LHFPL6: variants seen among roughly 807,000 people sequenced by gnomAD.
LHFPL6 encodes LHFPL tetraspan subfamily member 6, also known as LHFPL tetraspan subfamily member 6 protein.
In LHFPL6, 9 loss-of-function variants were observed where a neutral mutation model predicts 20.6. The observed-to-expected ratio is 0.44, with a 90% confidence interval of 0.26 to 0.76. The LOEUF (loss-of-function observed/expected upper bound fraction) is 0.76. Among genes scored for constraint, LHFPL6 ranks in the 30% least tolerant of loss-of-function variants. The pLI is 0.20. For synonymous variants in LHFPL6, 105 were observed against 98.7 expected, an observed-to-expected ratio of 1.06 and a Z score of -0.38; for missense variants, 218 against 253.5, an observed-to-expected ratio of 0.86 and a Z score of 0.95.
At chr13:39,569,834 G>A (rs1322879574) in intron 2 of LHFPL6, among the ~76,000 whole-genome samples, 2 of 152,168 alleles carry the variant, frequency 1.3e-5, no homozygotes, top group Non-Finnish European at 2.9e-5. Context: ...TGAGCAGGAG[G>A]CACAAGCTCA....
In LHFPL6 at chr13:39,600,917, C is replaced by T. The variant is rs761670411; in HGVS notation, c.300G>A (p.Ala100=). ...CACAGCAACCCATGAGGGCAGTGAG[C>T]GCCACCAGGAGGAGGAGGCCACAAC... is the stretch of plus-strand genomic sequence containing the variant. The part of the protein sequence containing the change: ...GLGCGLLLLV[A]LTALMGCCVS... The change falls in exon 2 of 4, where the codon GCG becomes GCA. Residue 100 remains alanine, a synonymous_variant. Coordinates refer to ENST00000379589, the MANE Select transcript of LHFPL6 (RefSeq NM_005780.3). 7 of 1,590,340 alleles carry T rather than the reference C, an allele frequency of 4.4e-6. No individual in the cohort carries two copies. Among genetic ancestry groups the T allele is most frequent in the South Asian group, 2.3e-5 (2 of 87,152 alleles).
chr13:39,365,889 TAGTG>T (rs1246169557), intron 3 of LHFPL6, among the ~76,000 whole-genome samples: 13 of 152,180 alleles, frequency 8.5e-5, no homozygotes, highest in Admixed American at 8.5e-4. Flanking sequence ...TTCCTAAGAA[TAGTG>T]AGGGCACAGA....
chr13:39,470,995 TACA>T (rs1872929527), intron 2 of LHFPL6, among the ~76,000 whole-genome samples: 3 of 152,186 alleles, frequency 2.0e-5, no homozygotes, highest in African/African-American at 7.2e-5. Flanking sequence ...CACCATGAAC[TACA>T]TAGTTGAGGA....
At chr13:39,390,770 G>A (rs758176741) in intron 2 of LHFPL6, among the ~76,000 whole-genome samples, 15 of 152,254 alleles carry the variant, frequency 9.9e-5, no homozygotes, top group African/African-American at 3.4e-4. Context: ...CGAGACGGGC[G>A]GATTGCTTGA....
intron 2 of LHFPL6, among the ~76,000 whole-genome samples, chr13:39,450,651 G>GT (rs1872417076): frequency 6.6e-6 from 1 of 152,116 alleles, no homozygotes. Context: ...GGTGTACTAA[G>GT]TGGGTGGCTT....
intron 2 of LHFPL6, among the ~76,000 whole-genome samples, chr13:39,460,208 A>G (rs1056043163): frequency 1.3e-5 from 2 of 152,204 alleles, no homozygotes; most frequent in Non-Finnish European, 2.9e-5. Context: ...AAAACATGAC[A>G]GGCTCAAGAA....
chr13:39,361,007 G>A lies in LHFPL6; in HGVS notation c.485-16953C>T, dbSNP rs1276530191. Among the ~76,000 whole-genome samples the A allele has an allele frequency of 5.2e-5, 5 of 96,164 alleles. 1 individual carries two copies. The highest frequency in any genetic ancestry group is 3.8e-4 in the East Asian group (1 of 2,640). The allele number at this position is 96,164 out of a possible 152,430, so 63.1% of individuals were successfully genotyped here. ...TATTGTCCTCCAAAGAAATGGTGCC[G>A]GCCATCATCAACACAAGAATTTACC... On this transcript the variant is annotated intron_variant, in intron 3 of 3. Coordinates refer to ENST00000379589, the MANE Select transcript of LHFPL6 (RefSeq NM_005780.3).
At chr13:39,427,865 C>A (rs910664535) in intron 2 of LHFPL6, among the ~76,000 whole-genome samples, 3 of 152,094 alleles carry the variant, frequency 2.0e-5, no homozygotes, top group South Asian at 2.1e-4. Context: ...TGGTTAGCAC[C>A]GTCATCTTAG....
intron 2 of LHFPL6, among the ~76,000 whole-genome samples, chr13:39,397,590 C>T (rs1465749824): frequency 2.6e-5 from 4 of 152,172 alleles, no homozygotes; most frequent in Non-Finnish European, 5.9e-5. Context: ...TCCCTCTTTC[C>T]TCTGGCATCT....
intron 2 of LHFPL6, among the ~76,000 whole-genome samples, chr13:39,517,305 T>C (rs1045878086): frequency 3.9e-5 from 6 of 152,210 alleles, no homozygotes; most frequent in African/African-American, 9.6e-5. Context: ...TGAACTTTCA[T>C]AGTATGGGAG....
At chr13:39,465,214 AAAT>A (rs1593323263) in intron 2 of LHFPL6, among the ~76,000 whole-genome samples, 1 of 152,158 alleles carries the variant, frequency 6.6e-6, no homozygotes, top group Admixed American at 6.5e-5. Context: ...TGTAGTCTTA[AAAT>A]AATAATATTC....
chr13:39,458,708 A>C lies in LHFPL6; in HGVS notation c.386-80182T>G, dbSNP rs1291490448. Among the ~76,000 whole-genome samples the C allele has an allele frequency of 1.3e-4, 20 of 151,322 alleles. 1 individual carries two copies. The highest frequency in any genetic ancestry group is 1.3e-3 in the Admixed American group (20 of 15,194). The stretch of plus-strand genomic sequence containing the variant: ...ATACCCTGCCTAAAAAAAAAAAAAA[A>C]GGCAAGCAGAGTCCAAGTCAGACAC... On this transcript the variant is annotated intron_variant, in intron 2 of 3. Coordinates refer to ENST00000379589, the MANE Select transcript of LHFPL6 (RefSeq NM_005780.3).
intron 2 of LHFPL6, among the ~76,000 whole-genome samples, chr13:39,394,202 ATTG>A (rs1162029874): frequency 6.6e-6 from 1 of 152,142 alleles, no homozygotes; most frequent in Non-Finnish European, 1.5e-5. Context: ...AGCCTCCTAA[ATTG>A]TTGGGATTAC....
chr13:39,396,330 G>A (rs192961961), intron 2 of LHFPL6, among the ~76,000 whole-genome samples: 1 of 152,242 alleles, frequency 6.6e-6, no homozygotes, highest in African/African-American at 2.4e-5. Context: ...TGGTGTTATT[G>A]GCTAAACTGC....
chr13:39,557,134 C>T (rs967915293), intron 2 of LHFPL6, among the ~76,000 whole-genome samples: 1 of 152,156 alleles, frequency 6.6e-6, no homozygotes, highest in African/African-American at 2.4e-5. Flanking sequence ...AAGAAAAAGG[C>T]CTAGAAAGCA....
intron 2 of LHFPL6, among the ~76,000 whole-genome samples, chr13:39,477,924 A>G (rs1198106511): frequency 6.6e-6 from 1 of 152,230 alleles, no homozygotes; most frequent in Non-Finnish European, 1.5e-5. Flanking sequence ...ACAAATGACA[A>G]TCATGGTTAA....
intron 2 of LHFPL6, among the ~76,000 whole-genome samples, chr13:39,582,783 C>T (rs1445594008): frequency 6.6e-6 from 1 of 152,200 alleles, no homozygotes; most frequent in African/African-American, 2.4e-5. Flanking sequence ...CATCATTCAT[C>T]TGTACAATTC....
intron 2 of LHFPL6, among the ~76,000 whole-genome samples, chr13:39,415,876 C>T (rs1032573878): frequency 3.9e-5 from 6 of 152,224 alleles, no homozygotes; most frequent in Admixed American, 2.0e-4. Flanking sequence ...CAATACATTA[C>T]GAAGAAAGAA....
intron 2 of LHFPL6, among the ~76,000 whole-genome samples, chr13:39,598,852 C>T (rs11838411): frequency 0.39 from 59,635 of 152,034 alleles, 12,570 homozygotes; most frequent in East Asian, 0.58. Flanking sequence ...CCACCGCACC[C>T]GGCCAGCTGC....
Sources: gnomAD v4.1 joint callset for allele counts (sites outside exome capture counted in the v4.1 genomes callset) on GRCh38, gnomAD v4.1.1 for gene constraint, MANE v1.5 for transcripts, NCBI Gene and HGNC (gene_info 2026-07-23, HGNC 2026-07-21) for gene names.